MCF2L2: variants seen among roughly 807,000 people sequenced by gnomAD.
MCF2L2 encodes the protein MCF.2 cell line derived transforming sequence-like 2, also known as probable guanine nucleotide exchange factor MCF2L2.
MCF2L2 carries 102 observed loss-of-function variants against 150.2 expected under a neutral mutation model. That is an observed-to-expected ratio of 0.68 (90% CI 0.58 to 0.80). MCF2L2 has a LOEUF of 0.80. Ranked by LOEUF, MCF2L2 falls within the 30% of genes least tolerant of loss-of-function variation. The pLI is 0.00. For synonymous variants in MCF2L2, 465 were observed against 491.3 expected, an observed-to-expected ratio of 0.95 and a Z score of 0.71; for missense variants, 1,256 against 1,372.8, an observed-to-expected ratio of 0.91 and a Z score of 1.34.
chr3:183,327,519 T>C (rs1275760045), intron 5 of MCF2L2, among the ~76,000 whole-genome samples: 1 of 152,196 alleles, frequency 6.6e-6, no homozygotes, highest in Admixed American at 6.5e-5. Flanking sequence ...ATCGCTCTTG[T>C]TATTGATCTT....
intron 1 of MCF2L2, among the ~76,000 whole-genome samples, chr3:183,393,323 A>C (rs1267114157): frequency 6.6e-6 from 1 of 151,356 alleles, no homozygotes; most frequent in Non-Finnish European, 1.5e-5. Context: ...CCTCCTGAGT[A>C]GCTGGGATTA....
At chr3:183,259,956 G>T (rs1446609236) in intron 15 of MCF2L2, among the ~76,000 whole-genome samples, 5 of 152,138 alleles carry the variant, frequency 3.3e-5, no homozygotes, top group African/African-American at 1.2e-4. Context: ...CACACTTCTG[G>T]CAGTGAAGCA....
intron 24 of MCF2L2, 58 bp downstream of exon 24, chr3:183,206,064 C>A: frequency 1.3e-6 from 2 of 1,572,846 alleles, no homozygotes; most frequent in South Asian, 2.2e-5. Context: ...CTTGTCAAGT[C>A]ATGGGAACAC....
At chr3:183,212,959 G>C (rs1469496719) in intron 22 of MCF2L2, among the ~76,000 whole-genome samples, 6 of 133,748 alleles carry the variant, frequency 4.5e-5, no homozygotes, top group Non-Finnish European at 9.8e-5. Flanking sequence ...GGGGGGGTGG[G>C]GGGGGTGGGG....
chr3:183,398,647 C>G (rs1205727635), intron 1 of MCF2L2, among the ~76,000 whole-genome samples: 1 of 152,136 alleles, frequency 6.6e-6, no homozygotes, highest in Non-Finnish European at 1.5e-5. Context: ...CCAACAATTA[C>G]ATAAACTATG....
At chr3:183,255,819 A>G (rs954406946) in intron 15 of MCF2L2, among the ~76,000 whole-genome samples, 3 of 152,128 alleles carry the variant, frequency 2.0e-5, no homozygotes, top group Non-Finnish European at 4.4e-5. Context: ...AAAAAAAAAA[A>G]AAAGAAAAAG....
At position 183,283,627 on chromosome 3, in the gene MCF2L2, T is replaced by C. The variant is rs1323159956; in HGVS notation, c.1776+5493A>G. ...CCCTCTGCCTCCCAGGTTCAAGTGA[T>C]TCTCCTGCCTCAGCCTCCTGAGTAG... On this transcript the variant is annotated intron_variant, in intron 14 of 29. Coordinates refer to ENST00000328913, the MANE Select transcript of MCF2L2 (RefSeq NM_015078.4). The surrounding 1 kb of genome is among the most constrained non-coding windows in gnomAD (Gnocchi z 4.2). 2.6e-5 allele frequency among the ~76,000 whole-genome samples: 4 copies of C among 152,138 alleles called. No homozygotes were observed. In the East Asian group the frequency reaches 7.7e-4, roughly 29 times the overall value.
At chr3:183,406,357 T>A (rs1438301280) in intron 1 of MCF2L2, among the ~76,000 whole-genome samples, 1 of 152,244 alleles carries the variant, frequency 6.6e-6, no homozygotes, top group Non-Finnish European at 1.5e-5. Flanking sequence ...ATATCTTATA[T>A]CTTCCTTGAT....
rs1035877565 is a variant in MCF2L2 at position 183,333,123 on chromosome 3, T to C, written c.486+5677A>G. Among the ~76,000 whole-genome samples the C allele has an allele frequency of 3.3e-5, 5 of 152,166 alleles. No individual in the cohort carries two copies. The East Asian group carries it at 5.8e-4, about 18-fold the overall frequency. ...GTGCAGTGGTGTGATCTCATCTCACTGCAACCTCCGCCTCCCAGGTTCAAG... is the reference window on the plus strand; with the variant it reads ...GTGCAGTGGTGTGATCTCATCTCACCGCAACCTCCGCCTCCCAGGTTCAAG... On this transcript the variant is annotated intron_variant, in intron 5 of 29. Transcript: ENST00000328913.
At chr3:183,280,908 A>C (rs1348124086) in intron 14 of MCF2L2, among the ~76,000 whole-genome samples, 2 of 151,844 alleles carry the variant, frequency 1.3e-5, no homozygotes, top group African/African-American at 2.4e-5. Context: ...CTGGTAATTT[A>C]AGGTGAAAGT....
intron 5 of MCF2L2, among the ~76,000 whole-genome samples, chr3:183,326,711 T>C (rs1560023265): frequency 7.6e-5 from 1 of 13,108 alleles, no homozygotes; most frequent in Non-Finnish European, 1.1e-4. Flanking sequence ...GCTTATAATG[T>C]GTGTGTATGT....
intron 10 of MCF2L2, among the ~76,000 whole-genome samples, chr3:183,301,353 T>C (rs1420264954): frequency 2.0e-5 from 3 of 152,068 alleles, no homozygotes; most frequent in Non-Finnish European, 4.4e-5. Flanking sequence ...GTAGGTCATA[T>C]GGTATCTTAG....
In MCF2L2 at chr3:183,326,465, C is replaced by T. The variant is rs6771154; in HGVS notation, c.487-3114G>A. Among the ~76,000 whole-genome samples the T allele has an allele frequency of 2.6e-5, 3 of 117,628 alleles. No homozygotes were observed. In the Admixed American group the frequency reaches 3.7e-4, roughly 14 times the overall value. 77.2% of individuals were successfully genotyped at this position (117,628 alleles called of 152,430 possible). A position where few individuals can be genotyped will look rare whatever the true frequency, so the allele number is the denominator to read the frequency against. ...CGAGATTACACCACTGTACTCCAGC[C>T]TAGGCAATGAGAGTGAAACTCCGTC... On this transcript the variant is annotated intron_variant, in intron 5 of 29. Coordinates refer to ENST00000328913, the MANE Select transcript of MCF2L2 (RefSeq NM_015078.4).
chr3:183,232,071 T>C (rs2108673923), intron 15 of MCF2L2, among the ~76,000 whole-genome samples: 1 of 152,210 alleles, frequency 6.6e-6, no homozygotes, highest in Non-Finnish European at 1.5e-5. Context: ...TGAACTCAGA[T>C]CTATATGGGT....
chr3:183,193,579 G>A (rs927022023), intron 26 of MCF2L2, among the ~76,000 whole-genome samples: 19 of 152,082 alleles, frequency 1.2e-4, no homozygotes, highest in Admixed American at 1.0e-3. Context: ...TTGATCTCTT[G>A]ACCTTGTGAT....
chr3:183,343,990 A>G (rs780333463), intron 3 of MCF2L2, among the ~76,000 whole-genome samples: 2 of 152,004 alleles, frequency 1.3e-5, no homozygotes, highest in Non-Finnish European at 2.9e-5. Flanking sequence ...GAGCAACAAC[A>G]AGATACTATC....
intron 13 of MCF2L2, among the ~76,000 whole-genome samples, chr3:183,292,447 A>G (rs564797508): frequency 2.0e-5 from 3 of 152,258 alleles, no homozygotes; most frequent in Non-Finnish European, 4.4e-5. Flanking sequence ...ACTCCCCAAC[A>G]ATAAATACTA....
At chr3:183,426,128 T>C (rs1022410740) in intron 1 of MCF2L2, among the ~76,000 whole-genome samples, 2 of 152,192 alleles carry the variant, frequency 1.3e-5, no homozygotes, top group Admixed American at 6.5e-5. Flanking sequence ...AAGGAGAAAC[T>C]ACAACAAATT....
intron 3 of MCF2L2, among the ~76,000 whole-genome samples, chr3:183,352,674 T>C (rs559548879): frequency 6.6e-6 from 1 of 152,186 alleles, no homozygotes; most frequent in South Asian, 2.1e-4. Flanking sequence ...CAGTAGCTCT[T>C]GAGTAAAAAA....
Sources: gnomAD v4.1 joint callset for allele counts (sites outside exome capture counted in the v4.1 genomes callset) on GRCh38, gnomAD v4.1.1 for gene constraint, Gnocchi (gnomAD v3.1) non-coding constraint, MANE v1.5 for transcripts, NCBI Gene and HGNC (gene_info 2026-07-23, HGNC 2026-07-21) for gene names.